Variants in SAMD12 observed in about 807,000 individuals in gnomAD.
The protein encoded by SAMD12 is sterile alpha motif domain containing 12.
In SAMD12, 9 loss-of-function variants were observed where a neutral mutation model predicts 15.0. The observed-to-expected ratio is 0.60, with a 90% confidence interval of 0.36 to 1.05. The LOEUF (loss-of-function observed/expected upper bound fraction) is 1.05. Among genes scored for constraint, SAMD12 ranks in the 50% least tolerant of loss-of-function variants. SAMD12 has a pLI of 0.01. For synonymous variants in SAMD12, 86 were observed against 90.1 expected (o/e 0.96, Z 0.25); for missense variants, 230 against 234.2 (o/e 0.98, Z 0.12).
rs146102294 is a variant in SAMD12 at position 118,524,684 on chromosome 8, C to G, written c.192+56031G>C. On this transcript the variant is annotated intron_variant, in intron 2 of 3. Coordinates refer to ENST00000314727, the MANE Select transcript of SAMD12 (RefSeq NM_207506.3). ...AGAGTTCCTGATATCCATTATCACA[C>G]AACAACCCTATTCCTCCTGCAGTTC... Among the ~76,000 whole-genome samples, 690 of 152,324 alleles carry G rather than the reference C, an allele frequency of 4.5e-3. 7 individuals are homozygous for G. The highest frequency in any genetic ancestry group is 0.016 in the African/African-American group (658 of 41,574).
At chr8:118,275,091 C>T (rs1294273064) in intron 4 of SAMD12, among the ~76,000 whole-genome samples, 1 of 152,170 alleles carries the variant, frequency 6.6e-6, no homozygotes, top group Non-Finnish European at 1.5e-5. Context: ...GATGTTTGCT[C>T]TATGTCTATT....
intron 1 of SAMD12, among the ~76,000 whole-genome samples, chr8:118,586,107 G>T (rs1012568329): frequency 1.3e-5 from 2 of 152,110 alleles, no homozygotes. Flanking sequence ...GAATGAGCTG[G>T]CTCCCCAACC....
intron 2 of SAMD12, among the ~76,000 whole-genome samples, chr8:118,456,025 T>G (rs1430924934): frequency 1.3e-5 from 2 of 152,230 alleles, no homozygotes; most frequent in Non-Finnish European, 2.9e-5. Flanking sequence ...AGAGTAAACT[T>G]ATAAATATGT....
At chr8:118,146,228 G>A in the SAMD12 span, among the ~76,000 whole-genome samples, 1 of 152,180 alleles carries the variant, frequency 6.6e-6, no homozygotes, top group African/African-American at 2.4e-5. Context: ...CAAGGCAGGA[G>A]AACATGATGT....
downstream of SAMD12, among the ~76,000 whole-genome samples, chr8:118,184,689 G>A (rs1819213431): frequency 6.6e-6 from 1 of 152,040 alleles, no homozygotes; most frequent in African/African-American, 2.4e-5. Flanking sequence ...TAGAGATAGG[G>A]TTTCACCATC....
chr8:118,505,976 T>G (rs1824910846), intron 2 of SAMD12, among the ~76,000 whole-genome samples: 2 of 152,180 alleles, frequency 1.3e-5, no homozygotes, highest in African/African-American at 4.8e-5. Context: ...CATCCCAGTC[T>G]GATTATCATC....
intron 4 of SAMD12, among the ~76,000 whole-genome samples, chr8:118,333,109 G>A (rs967950365): frequency 2.0e-5 from 3 of 152,260 alleles, no homozygotes; most frequent in Admixed American, 2.0e-4. Context: ...AGGCTTTTCT[G>A]AGTTGATTTA....
At chr8:118,525,882 T>C (rs1268304865) in intron 2 of SAMD12, among the ~76,000 whole-genome samples, 1 of 152,182 alleles carries the variant, frequency 6.6e-6, no homozygotes, top group Non-Finnish European at 1.5e-5. Context: ...CCATACCCCA[T>C]AGATGGAGGA....
intron 4 of SAMD12, among the ~76,000 whole-genome samples, chr8:118,367,267 G>C (rs1284175412): frequency 6.6e-6 from 1 of 152,048 alleles, no homozygotes; most frequent in Admixed American, 6.6e-5. Flanking sequence ...TCTTAGAAAA[G>C]CCAGAACATC....
At chr8:118,538,813 G>A (rs1002346670) in intron 2 of SAMD12, among the ~76,000 whole-genome samples, 1 of 152,152 alleles carries the variant, frequency 6.6e-6, no homozygotes, top group African/African-American at 2.4e-5. Context: ...GATAATTGGT[G>A]GAAGTCTCTA....
chr8:118,253,894 G>A (rs192261071), intron 4 of SAMD12, among the ~76,000 whole-genome samples: 40 of 152,250 alleles, frequency 2.6e-4, no homozygotes, highest in Admixed American at 3.3e-4. Context: ...CCCAGAATGA[G>A]AAATGTAACA....
intron 4 of SAMD12, among the ~76,000 whole-genome samples, chr8:118,249,542 G>A (rs1403822892): frequency 6.6e-6 from 1 of 152,146 alleles, no homozygotes; most frequent in Admixed American, 6.6e-5. Flanking sequence ...CTGACTTTAT[G>A]TACGTATGCA....
At chr8:118,555,106 G>T (rs1247685980) in intron 2 of SAMD12, among the ~76,000 whole-genome samples, 1 of 152,102 alleles carries the variant, frequency 6.6e-6, no homozygotes, top group Middle Eastern at 3.4e-3. Context: ...CCACAAAAGG[G>T]GTAATATCCA....
chr8:118,262,410 C>G (rs1328748195), intron 4 of SAMD12, among the ~76,000 whole-genome samples: 1 of 152,082 alleles, frequency 6.6e-6, no homozygotes, highest in Non-Finnish European at 1.5e-5. Context: ...TAGGAAACTT[C>G]CCCATAAGAG....
At chr8:118,229,946 C>T (rs2129916405) in intron 4 of SAMD12, among the ~76,000 whole-genome samples, 2 of 152,146 alleles carry the variant, frequency 1.3e-5, no homozygotes, top group South Asian at 4.2e-4. Context: ...AACACCTCCT[C>T]CTGGGATGTG....
chr8:118,586,816 C>G (rs1389806769), intron 1 of SAMD12, among the ~76,000 whole-genome samples: 3 of 152,130 alleles, frequency 2.0e-5, no homozygotes, highest in African/African-American at 7.2e-5. Context: ...GGTGCTCAAT[C>G]ATTGTTTATA....
At chr8:118,213,568 C>G (rs762143659) in intron 4 of SAMD12, among the ~76,000 whole-genome samples, 13 of 152,340 alleles carry the variant, frequency 8.5e-5, no homozygotes, top group Non-Finnish European at 1.8e-4. Flanking sequence ...CCCTGCTAAG[C>G]CTTGCCCAAA....
the SAMD12 span, among the ~76,000 whole-genome samples, chr8:118,169,806 T>C: frequency 6.6e-6 from 1 of 152,238 alleles, no homozygotes; most frequent in Non-Finnish European, 1.5e-5. Context: ...TCAGCAAAGC[T>C]GTCTAGAGGC....
At chr8:118,612,625 T>C (rs888593678) in intron 1 of SAMD12, among the ~76,000 whole-genome samples, 2 of 152,186 alleles carry the variant, frequency 1.3e-5, no homozygotes, top group South Asian at 2.1e-4. Context: ...AAGAACACAT[T>C]TGAGACACCG....
Sources: gnomAD v4.1 joint callset for allele counts (sites outside exome capture counted in the v4.1 genomes callset) on GRCh38, gnomAD v4.1.1 for gene constraint, MANE v1.5 for transcripts, NCBI Gene and HGNC (gene_info 2026-07-23, HGNC 2026-07-21) for gene names.